BNC2: variants seen among roughly 807,000 people sequenced by gnomAD.
The protein encoded by BNC2 is zinc finger protein basonuclin-2.
A neutral mutation model predicts 76.3 loss-of-function variants in BNC2; 20 were observed. That is an observed-to-expected ratio of 0.26 (90% CI 0.18 to 0.38). The LOEUF is 0.38. Among genes scored for constraint, BNC2 ranks in the 10% least tolerant of loss-of-function variants. The pLI, the probability that BNC2 is intolerant of heterozygous loss-of-function variation, is 1.00. For missense variants in BNC2, 1,382 were observed against 1,399.8 expected (o/e 0.99, Z 0.20); for synonymous variants, 582 against 514.8 (o/e 1.13, Z -1.77).
At chr9:16,696,187 T>G (rs771588567) in intron 3 of BNC2, among the ~76,000 whole-genome samples, 2 of 152,166 alleles carry the variant, frequency 1.3e-5, no homozygotes, top group African/African-American at 4.8e-5. Context: ...CCTCCAATTG[T>G]CGAACACATT....
intron 3 of BNC2, among the ~76,000 whole-genome samples, chr9:16,708,342 C>T (rs1823738030): frequency 6.6e-6 from 1 of 152,194 alleles, no homozygotes; most frequent in African/African-American, 2.4e-5. Context: ...TGAAAGTTTT[C>T]TCATGAACTT....
At chr9:16,496,281 C>T (rs144610582) in intron 5 of BNC2, among the ~76,000 whole-genome samples, 1 of 152,240 alleles carries the variant, frequency 6.6e-6, no homozygotes, top group East Asian at 1.9e-4. Flanking sequence ...TACCAGAACC[C>T]ATATCTAATG....
In BNC2 at chr9:16,418,769, A is replaced by C. The variant is rs1468306449; in HGVS notation, c.*220T>G. On this transcript the variant is annotated 3_prime_UTR_variant, in exon 7 of 7. Coordinates refer to ENST00000380672, the MANE Select transcript of BNC2 (RefSeq NM_017637.6). Reference sequence around the variant, plus strand: ...AATCAAAGATCCCACTCCTTTCCCAAAACTATAAAGGGAAGTGAAAAAAAT... The same window carrying C: ...AATCAAAGATCCCACTCCTTTCCCACAACTATAAAGGGAAGTGAAAAAAAT... The C allele has an allele frequency of 1.2e-5, 7 of 577,838 alleles. No homozygotes were observed. Among genetic ancestry groups the C allele is most frequent in the East Asian group, 9.3e-5 (3 of 32,184 alleles). The allele number at this position is 577,838 out of a possible 1,614,324, so 35.8% of individuals were successfully genotyped here.
At chr9:16,506,238 C>A (rs939436235) in intron 5 of BNC2, among the ~76,000 whole-genome samples, 2 of 152,162 alleles carry the variant, frequency 1.3e-5, no homozygotes, top group Admixed American at 1.3e-4. Flanking sequence ...AGAAAAGTCA[C>A]AAAAATACTT....
chr9:16,477,332 C>T (rs928774103), intron 5 of BNC2, among the ~76,000 whole-genome samples: 1 of 151,630 alleles, frequency 6.6e-6, no homozygotes, highest in Non-Finnish European at 1.5e-5. Flanking sequence ...CTAGTATTGG[C>T]TTTTAAAGAA....
intron 1 of BNC2, among the ~76,000 whole-genome samples, chr9:16,817,677 TAAAC>T (rs1233123202): frequency 1.3e-5 from 2 of 152,172 alleles, no homozygotes; most frequent in African/African-American, 2.4e-5. Flanking sequence ...TAACGTGCCT[TAAAC>T]AAATCAGAAA....
At chr9:16,674,495 C>T (rs557005586) in intron 3 of BNC2, among the ~76,000 whole-genome samples, 35 of 152,208 alleles carry the variant, frequency 2.3e-4, no homozygotes, top group African/African-American at 6.0e-4. Context: ...TTTTACAACT[C>T]GCATGGATAG....
At chr9:16,561,523 T>C (rs751603365) in intron 4 of BNC2, among the ~76,000 whole-genome samples, 1 of 152,108 alleles carries the variant, frequency 6.6e-6, no homozygotes, top group Non-Finnish European at 1.5e-5. Flanking sequence ...CCATATTTAC[T>C]CTAAAACTGA....
At chr9:16,863,759 GAAAAATTAA>G (rs1264188803) in intron 1 of BNC2, among the ~76,000 whole-genome samples, 1 of 152,054 alleles carries the variant, frequency 6.6e-6, no homozygotes, top group African/African-American at 2.4e-5. Flanking sequence ...GTAAGGTCAA[GAAAAATTAA>G]AAATAACTTT....
chr9:16,486,882 T>A (rs1346232472), intron 5 of BNC2, among the ~76,000 whole-genome samples: 1 of 152,058 alleles, frequency 6.6e-6, no homozygotes, highest in Non-Finnish European at 1.5e-5. Context: ...CATGACACCA[T>A]GCCTAATTTT....
intron 3 of BNC2, among the ~76,000 whole-genome samples, chr9:16,595,454 C>A (rs539313282): frequency 6.6e-6 from 1 of 152,066 alleles, no homozygotes; most frequent in Non-Finnish European, 1.5e-5. Flanking sequence ...GCTTCATTAG[C>A]GCTTCACATA....
intron 1 of BNC2, among the ~76,000 whole-genome samples, chr9:16,865,536 T>A (rs1021446127): frequency 6.6e-6 from 1 of 152,164 alleles, no homozygotes; most frequent in Non-Finnish European, 1.5e-5. Context: ...AATTCTTAAT[T>A]ATCGAACCTA....
intron 3 of BNC2, among the ~76,000 whole-genome samples, chr9:16,607,157 GT>G (rs1820410350): frequency 6.6e-6 from 1 of 152,066 alleles, no homozygotes; most frequent in Non-Finnish European, 1.5e-5. Context: ...GTCTCACCAT[GT>G]TGCCCAGGCT....
chr9:16,765,557 T>C (rs1052527504), intron 1 of BNC2, among the ~76,000 whole-genome samples: 3 of 152,192 alleles, frequency 2.0e-5, no homozygotes, highest in Non-Finnish European at 4.4e-5. Context: ...TGAAATATGT[T>C]AGGTAATGAA....
chr9:16,446,802 G>T (rs113169024), intron 5 of BNC2, among the ~76,000 whole-genome samples: 3 of 152,100 alleles, frequency 2.0e-5, no homozygotes, highest in African/African-American at 2.4e-5. Context: ...TCACTCTGGG[G>T]TACAACATAT....
At chr9:16,739,935 C>T (rs1173142317) in intron 1 of BNC2, among the ~76,000 whole-genome samples, 1 of 152,134 alleles carries the variant, frequency 6.6e-6, no homozygotes, top group African/African-American at 2.4e-5. Flanking sequence ...ATGCAGATAA[C>T]CAGGCAACTG....
At chr9:16,619,461 A>C (rs1355478476) in intron 3 of BNC2, among the ~76,000 whole-genome samples, 1 of 152,208 alleles carries the variant, frequency 6.6e-6, no homozygotes, top group East Asian at 1.9e-4. Flanking sequence ...TCCCCAAATA[A>C]CAAAATAAAA....
intron 3 of BNC2, among the ~76,000 whole-genome samples, chr9:16,702,775 TC>T (rs1823552593): frequency 6.6e-6 from 1 of 152,186 alleles, no homozygotes; most frequent in Admixed American, 6.5e-5. Context: ...AAGTGTGTTG[TC>T]TCATTTCATT....
At chr9:16,594,573 C>T (rs545533187) in intron 3 of BNC2, among the ~76,000 whole-genome samples, 9 of 152,228 alleles carry the variant, frequency 5.9e-5, no homozygotes, top group East Asian at 3.9e-4. Flanking sequence ...AAAGTTGTTA[C>T]GTTTTAGAAT....
Sources: gnomAD v4.1 joint callset for allele counts (sites outside exome capture counted in the v4.1 genomes callset) on GRCh38, gnomAD v4.1.1 for gene constraint, MANE v1.5 for transcripts, NCBI Gene and HGNC (gene_info 2026-07-23, HGNC 2026-07-21) for gene names.